PATJ: variants seen among roughly 807,000 people sequenced by gnomAD.
PATJ encodes the protein PATJ crumbs cell polarity complex component, also known as inaD-like protein.
A neutral mutation model predicts 224.9 loss-of-function variants in PATJ; 190 were observed. That is an observed-to-expected ratio of 0.84 (90% CI 0.75 to 0.95). PATJ has a LOEUF of 0.95. Ranked by LOEUF, PATJ falls within the 40% of genes least tolerant of loss-of-function variation. The probability of loss-of-function intolerance (pLI) is 0.00; values close to 1 mark genes in which losing one functional copy is unlikely to be tolerated. For missense variants in PATJ, 2,121 were observed against 2,270.3 expected (o/e 0.93, Z 1.34); for synonymous variants, 769 against 820.3 (o/e 0.94, Z 1.07).
At chr1:61,968,509 T>A (rs1221602329) in intron 27 of PATJ, among the ~76,000 whole-genome samples, 1 of 152,232 alleles carries the variant, frequency 6.6e-6, no homozygotes, top group African/African-American at 2.4e-5. Context: ...TGTTGTAAAC[T>A]AGTTCTCCAA....
chr1:61,761,784 C>T (rs1645986855), intron 1 of PATJ, among the ~76,000 whole-genome samples: 1 of 151,886 alleles, frequency 6.6e-6, no homozygotes, highest in South Asian at 2.1e-4. Flanking sequence ...CTCTTGGGCT[C>T]AAGTGATCCT....
intron 27 of PATJ, among the ~76,000 whole-genome samples, chr1:61,954,825 C>T (rs1434130779): frequency 6.8e-6 from 1 of 147,152 alleles, no homozygotes; most frequent in Non-Finnish European, 1.5e-5. Context: ...ACTATCTTGG[C>T]TCACTGCAAA....
At chr1:62,098,588 G>A (rs2025290) in intron 33 of PATJ, among the ~76,000 whole-genome samples, 37,589 of 150,516 alleles carry the variant, frequency 0.25, 5,197 homozygotes, top group South Asian at 0.41. Flanking sequence ...GAGTGAGACC[G>A]TGTCTCAAAA....
chr1:61,749,769 C>A (rs1779268), intron 1 of PATJ, among the ~76,000 whole-genome samples: 88,774 of 151,382 alleles, frequency 0.59, 26,161 homozygotes, highest in Non-Finnish European at 0.6. Flanking sequence ...GCCTAGACAT[C>A]CTGGGCTCAA....
intron 28 of PATJ, chr1:61,991,440 A>T: frequency 5.3e-6 from 5 of 949,174 alleles, no homozygotes; most frequent in Non-Finnish European, 6.3e-6. Context: ...CTTACTTGAA[A>T]TGAAGGCTTA....
chr1:61,766,306 G>A lies in PATJ; in HGVS notation c.217G>A (p.Ala73Thr). The A allele has an allele frequency of 1.9e-6, 3 of 1,609,390 alleles. No homozygotes were observed. The highest frequency in any genetic ancestry group is 1.7e-6 in the Non-Finnish European group (2 of 1,178,048). The change falls in exon 4 of 44, where the codon GCC becomes ACC. Residue 73 changes from alanine to threonine, a missense_variant. By Grantham distance (58) the Ala-to-Thr change is moderately conservative (BLOSUM62 0). Transcript: ENST00000642238. ...QLNHIPSDCS[A>T]NFDFSRKGLL... is the part of the protein sequence containing the mutation. The stretch of plus-strand genomic sequence containing the variant: ...CAACCATATACCCTCAGATTGTTCA[G>A]CCAACTTTGATTTTTCTAGGAAAGG...
At chr1:61,775,356 T>C in intron 7 of PATJ, 22 bp downstream of exon 7, 1 of 1,594,560 alleles carries the variant, frequency 6.3e-7, no homozygotes, top group Non-Finnish European at 8.5e-7. Flanking sequence ...TTCCTTGTTA[T>C]CATTTTGGTT....
chr1:62,056,723 G>C (rs986741591), intron 31 of PATJ, among the ~76,000 whole-genome samples: 49 of 152,222 alleles, frequency 3.2e-4, no homozygotes, highest in African/African-American at 1.1e-3. Flanking sequence ...GGAGGTTGCA[G>C]TGAGCCAATA....
chr1:61,901,426 G>A lies in PATJ; in HGVS notation c.3348G>A (p.Thr1116=), dbSNP rs142959214. Residue 1116 remains threonine, a synonymous_variant, in exon 24 of 44, where the codon ACG becomes ACA. Transcript: ENST00000642238. ...TAGAAGACAGTCCAGCAGGGAAGACGAACGCACTTAAAACTGGAGATAAAA... is the reference window on the plus strand; with the variant it reads ...TAGAAGACAGTCCAGCAGGGAAGACAAACGCACTTAAAACTGGAGATAAAA... ...QVLEDSPAGK[T]NALKTGDKIL... 1.0e-5 allele frequency: 16 copies of A among 1,583,624 alleles called. No homozygotes were observed. Among genetic ancestry groups the A allele is most frequent in the African/African-American group, 1.4e-5 (1 of 72,828 alleles).
At chr1:61,857,597 GC>G (rs1170541449) in intron 18 of PATJ, among the ~76,000 whole-genome samples, 2 of 152,314 alleles carry the variant, frequency 1.3e-5, no homozygotes, top group East Asian at 3.9e-4. Context: ...CCTGGGCTCT[GC>G]CCCCTGGCTT....
At chr1:61,998,760 A>G (rs900057229) in intron 28 of PATJ, among the ~76,000 whole-genome samples, 3 of 152,158 alleles carry the variant, frequency 2.0e-5, no homozygotes, top group African/African-American at 4.8e-5. Context: ...CCTAGTTCGT[A>G]TCGGTTGGCC....
chr1:61,826,577 A>G (rs964628931), intron 15 of PATJ, among the ~76,000 whole-genome samples: 2 of 152,142 alleles, frequency 1.3e-5, no homozygotes, highest in Admixed American at 6.6e-5. Flanking sequence ...CTCAAGTTAT[A>G]TATATGAAAA....
intron 34 of PATJ, among the ~76,000 whole-genome samples, chr1:62,112,308 C>T (rs925620143): frequency 6.6e-6 from 1 of 152,042 alleles, no homozygotes; most frequent in Admixed American, 6.5e-5. Context: ...GAGTTCAAGA[C>T]CAGCCTGGCC....
intron 28 of PATJ, among the ~76,000 whole-genome samples, chr1:62,002,381 A>T (rs1254157438): frequency 1.3e-5 from 2 of 152,158 alleles, no homozygotes; most frequent in African/African-American, 2.4e-5. Context: ...CCCCTACAGG[A>T]CTGATTCACT....
At chr1:61,955,592 T>C (rs1436834119) in intron 27 of PATJ, among the ~76,000 whole-genome samples, 1 of 152,252 alleles carries the variant, frequency 6.6e-6, no homozygotes, top group Non-Finnish European at 1.5e-5. Context: ...GAAATTATAG[T>C]GATAGCTAAT....
chr1:61,841,076 G>A (rs1007351635), intron 17 of PATJ, among the ~76,000 whole-genome samples: 2 of 151,960 alleles, frequency 1.3e-5, no homozygotes, highest in African/African-American at 4.8e-5. Context: ...TAATTTATTG[G>A]CCTTTGTAGC....
intron 41 of PATJ, among the ~76,000 whole-genome samples, chr1:62,143,891 A>G (rs11207910): frequency 1.9e-3 from 285 of 152,290 alleles, no homozygotes; most frequent in African/African-American, 6.5e-3. Flanking sequence ...ATGGAGAAAC[A>G]GGCCCCTGCA....
At chr1:61,901,769 T>C (rs1671188607) in intron 24 of PATJ, among the ~76,000 whole-genome samples, 2 of 152,206 alleles carry the variant, frequency 1.3e-5, no homozygotes, top group South Asian at 4.1e-4. Flanking sequence ...TTTAACAAGC[T>C]CTAAATTTTT....
chr1:62,127,178 A>C (rs1185990500), intron 39 of PATJ, among the ~76,000 whole-genome samples: 2 of 152,172 alleles, frequency 1.3e-5, no homozygotes, highest in African/African-American at 4.8e-5. Flanking sequence ...AGAAATATAT[A>C]ATTATTTTGA....
Sources: gnomAD v4.1 joint callset for allele counts (sites outside exome capture counted in the v4.1 genomes callset) on GRCh38, gnomAD v4.1.1 for gene constraint, MANE v1.5 for transcripts, NCBI Gene and HGNC (gene_info 2026-07-23, HGNC 2026-07-21) for gene names.